STAG1: variants seen among roughly 807,000 people sequenced by gnomAD.
STAG1 encodes cohesin subunit SA-1.
Under a neutral mutation model 170.9 loss-of-function variants are expected in STAG1, and 26 were observed. The ratio of observed to expected loss-of-function variants is 0.15; its 90% CI spans 0.11 to 0.21. The LOEUF is 0.21. Ranked by LOEUF, STAG1 falls within the 10% of genes least tolerant of loss-of-function variation. STAG1 has a pLI of 1.00. For missense variants in STAG1, 964 were observed against 1,509.5 expected (o/e 0.64, Z 5.99); for synonymous variants, 514 against 497.7 (o/e 1.03, Z -0.44).
At chr3:136,714,371 G>C (rs1001482108) in intron 1 of STAG1, among the ~76,000 whole-genome samples, 1 of 152,124 alleles carries the variant, frequency 6.6e-6, no homozygotes, top group African/African-American at 2.4e-5. Flanking sequence ...CAAGGCAGGA[G>C]GATCGTTTAA....
At chr3:136,548,906 T>A (rs1440500371) in intron 5 of STAG1, among the ~76,000 whole-genome samples, 1 of 152,150 alleles carries the variant, frequency 6.6e-6, no homozygotes, top group East Asian at 1.9e-4. Flanking sequence ...TTTCAAAGTG[T>A]ATAGTACCTC....
chr3:136,502,281 G>T lies in STAG1; in HGVS notation c.828+347C>A, dbSNP rs145711941. On this transcript the variant is annotated intron_variant, in intron 8 of 33. Transcript: ENST00000383202. The stretch of plus-strand genomic sequence containing the variant: ...ATAGGAGTGCCTTATATACCAGCTA[G>T]TATGTAGCCTTTAGCTTTTTCCTGG... Among the ~76,000 whole-genome samples, 828 of 151,810 alleles carry T rather than the reference G, an allele frequency of 5.5e-3. 8 individuals carry two copies. The highest frequency in any genetic ancestry group is 0.019 in the African/African-American group (768 of 41,342).
chr3:136,696,127 C>T (rs1255160661), intron 1 of STAG1, among the ~76,000 whole-genome samples: 1 of 152,120 alleles, frequency 6.6e-6, no homozygotes, highest in East Asian at 1.9e-4. Context: ...TGATAAAAAG[C>T]TTGTTGACAT....
intron 13 of STAG1, among the ~76,000 whole-genome samples, chr3:136,460,990 T>C (rs1337753723): frequency 6.6e-6 from 1 of 152,182 alleles, no homozygotes; most frequent in African/African-American, 2.4e-5. Flanking sequence ...TGTACCATAA[T>C]CAAGCAGGAT....
intron 12 of STAG1, among the ~76,000 whole-genome samples, chr3:136,468,713 T>C (rs943442840): frequency 1.2e-4 from 18 of 152,190 alleles, no homozygotes; most frequent in African/African-American, 4.1e-4. Context: ...ATATCCCTGA[T>C]GAACATTCAC....
chr3:136,635,941 A>C (rs973183399), intron 1 of STAG1, among the ~76,000 whole-genome samples: 3 of 152,178 alleles, frequency 2.0e-5, no homozygotes, highest in Non-Finnish European at 4.4e-5. Context: ...GAAAAACAAT[A>C]AAATTGTAAT....
intron 1 of STAG1, among the ~76,000 whole-genome samples, chr3:136,636,555 T>A (rs543111033): frequency 6.6e-5 from 10 of 152,324 alleles, no homozygotes; most frequent in Admixed American, 3.3e-4. Context: ...ACACTAAGTC[T>A]TAACGTCAAC....
chr3:136,694,822 T>C (rs1374927796), intron 1 of STAG1, among the ~76,000 whole-genome samples: 2 of 151,978 alleles, frequency 1.3e-5, no homozygotes, highest in East Asian at 1.9e-4. Context: ...TTTTTGTAAG[T>C]AGAGGCTGGG....
chr3:136,571,631 G>C (rs1187861915), intron 4 of STAG1, among the ~76,000 whole-genome samples: 1 of 152,072 alleles, frequency 6.6e-6, no homozygotes, highest in Non-Finnish European at 1.5e-5. Context: ...ACAACTCCTG[G>C]GAGGCCAAGG....
intron 1 of STAG1, among the ~76,000 whole-genome samples, chr3:136,664,496 C>T (rs1941686686): frequency 6.6e-6 from 1 of 152,124 alleles, no homozygotes; most frequent in South Asian, 2.1e-4. Context: ...AGCCTGCCAC[C>T]TAGTCAACCA....
intron 23 of STAG1, among the ~76,000 whole-genome samples, chr3:136,376,873 C>T (rs1306198126): frequency 6.6e-6 from 1 of 151,808 alleles, no homozygotes; most frequent in Non-Finnish European, 1.5e-5. Context: ...TCACTGCAAC[C>T]TCTGTCTCCC....
chr3:136,731,424 C>G (rs1447137964), intron 1 of STAG1, among the ~76,000 whole-genome samples: 1 of 152,168 alleles, frequency 6.6e-6, no homozygotes, highest in East Asian at 1.9e-4. Flanking sequence ...TGGATTTCAG[C>G]CTTCCCCTAC....
At chr3:136,448,948 C>T in intron 14 of STAG1, among the ~76,000 whole-genome samples, 1 of 152,054 alleles carries the variant, frequency 6.6e-6, no homozygotes, top group East Asian at 1.9e-4. Flanking sequence ...TCTTTCTACT[C>T]TATTATTTCT....
chr3:136,585,310 T>C (rs942476274), intron 4 of STAG1, among the ~76,000 whole-genome samples: 2 of 152,194 alleles, frequency 1.3e-5, no homozygotes, highest in Middle Eastern at 3.4e-3. Context: ...GGTATGGTGG[T>C]GTTCACCTGT....
chr3:136,547,745 T>C (rs1225768180), intron 5 of STAG1, among the ~76,000 whole-genome samples: 2 of 152,210 alleles, frequency 1.3e-5, no homozygotes, highest in Admixed American at 6.5e-5. Flanking sequence ...CATCCATCCA[T>C]CCACAGACAC....
chr3:136,692,495 C>T (rs925052819), intron 1 of STAG1, among the ~76,000 whole-genome samples: 3 of 151,696 alleles, frequency 2.0e-5, no homozygotes, highest in East Asian at 1.9e-4. Flanking sequence ...ATTAGCCAGG[C>T]GTGGTAGCAA....
chr3:136,432,978 T>G (rs1044235000), intron 16 of STAG1, among the ~76,000 whole-genome samples: 6 of 149,308 alleles, frequency 4.0e-5, no homozygotes, highest in African/African-American at 1.5e-4. Flanking sequence ...CCAATGTGTG[T>G]TTTTTTTTTA....
chr3:136,464,842 T>C (rs369927859), intron 13 of STAG1, 39 bp downstream of exon 13: 155 of 1,522,896 alleles, frequency 1.0e-4, no homozygotes, highest in African/African-American at 8.8e-4. Flanking sequence ...GAAAACAACA[T>C]AGAAAAGTAG....
chr3:136,566,431 G>C (rs1334425699), intron 5 of STAG1, among the ~76,000 whole-genome samples: 1 of 152,168 alleles, frequency 6.6e-6, no homozygotes, highest in Admixed American at 6.5e-5. Flanking sequence ...TTATTTGTAA[G>C]CCACCCAGTC....
Sources: allele counts gnomAD v4.1 joint callset (sites outside exome capture counted in the v4.1 genomes callset), GRCh38; gene constraint gnomAD v4.1.1; transcripts MANE v1.5; gene names NCBI Gene and HGNC (gene_info 2026-07-23, HGNC 2026-07-21).